INTS2: variants seen among roughly 807,000 people sequenced by gnomAD.
INTS2 encodes the protein KIAA1287.
Under a neutral mutation model 139.6 loss-of-function variants are expected in INTS2, and 57 were observed. The ratio of observed to expected loss-of-function variants is 0.41; its 90% CI spans 0.33 to 0.51. The LOEUF is 0.51. INTS2 is among the 20% of genes least tolerant of loss of function. The pLI is 0.28. For missense variants in INTS2, 1,196 were observed against 1,436.7 expected, an observed-to-expected ratio of 0.83 and a Z score of 2.71; for synonymous variants, 473 against 493.4, an observed-to-expected ratio of 0.96 and a Z score of 0.55.
At chr17:61,879,327 C>G (rs2079157192) in intron 17 of INTS2, among the ~76,000 whole-genome samples, 1 of 151,902 alleles carries the variant, frequency 6.6e-6, no homozygotes, top group South Asian at 2.1e-4. Context: ...TCCAGGTGGT[C>G]CCCTTATAGG....
chr17:61,927,632 C>G (rs910722831), intron 1 of INTS2, 22 bp downstream of exon 1: 2 of 1,337,772 alleles, frequency 1.5e-6, no homozygotes, highest in South Asian at 1.6e-5. Flanking sequence ...GCGCTGAGGC[C>G]AGAGAAGCGG....
chr17:61,869,290 G>A lies in INTS2; in HGVS notation c.3121C>T (p.Pro1041Ser). Residue 1041 changes from proline (P) to serine (S), a missense_variant, in exon 22 of 25, where the codon CCA becomes TCA. This residue lies in a region of INTS2 where 1,129 missense variants were observed against 1,341.9 expected (regional missense o/e 0.84). Coordinates refer to ENST00000251334, the MANE Select transcript of INTS2 (RefSeq NM_001351695.2). The surrounding 1 kb of genome is among the most constrained non-coding windows in gnomAD (Gnocchi z 5.4). ...CTCATTACCTGTTTCTCAAGTTCTGGCTGTGCAATAAGCTCAGGTATGAAA... is the reference window on the plus strand; with the variant it reads ...CTCATTACCTGTTTCTCAAGTTCTGACTGTGCAATAAGCTCAGGTATGAAA... ...LDFIPELIAQ[P>S]ELEKQIFAIQ... 2 of 1,604,144 alleles carry A rather than the reference G, an allele frequency of 1.2e-6. No individual in the cohort carries two copies. Among genetic ancestry groups the A allele is most frequent in the East Asian group, 2.2e-5 (1 of 44,606 alleles).
At chr17:61,891,205 G>A (rs898946594) in intron 14 of INTS2, among the ~76,000 whole-genome samples, 2 of 151,810 alleles carry the variant, frequency 1.3e-5, no homozygotes, top group Non-Finnish European at 2.9e-5. Flanking sequence ...TGAGGCAGGA[G>A]AATCACTTGA....
intron 15 of INTS2, among the ~76,000 whole-genome samples, chr17:61,888,589 G>GTGTGTA (rs2079255101): frequency 3.3e-5 from 5 of 151,866 alleles, no homozygotes; most frequent in African/African-American, 1.2e-4. Flanking sequence ...GTGTGTGTGT[G>GTGTGTA]TGGAGATGGG....
chr17:61,905,701 T>A (rs1468144529), intron 8 of INTS2, among the ~76,000 whole-genome samples: 3 of 152,072 alleles, frequency 2.0e-5, no homozygotes, highest in Non-Finnish European at 2.9e-5. Context: ...TTTTTTATGT[T>A]TTTTGTTTTT....
intron 5 of INTS2, 131 bp downstream of exon 5, chr17:61,919,269 C>T (rs951602337): frequency 1.7e-6 from 1 of 573,688 alleles, no homozygotes; most frequent in Non-Finnish European, 3.1e-6. Context: ...TTTCTTTATA[C>T]ATACTAACAA....
At position 61,921,736 on chromosome 17, in the gene INTS2, A is replaced by G; in HGVS notation, c.524T>C (p.Ile175Thr). Residue 175 changes from isoleucine to threonine, a missense_variant, in exon 4 of 25, where the codon ATT (isoleucine) becomes ACT (threonine). Physicochemically the swap from Ile to Thr is moderately conservative, Grantham distance 89. Around this residue, in one of 3 missense-constraint regions of INTS2, gnomAD observed 1,129 missense variants for 1,341.9 expected, o/e 0.84. Coordinates refer to ENST00000251334, the MANE Select transcript of INTS2 (RefSeq NM_001351695.2). ...YLEEAADVLC[I>T]LQAELPSLLP... is the part of the protein sequence containing the mutation. Reference sequence around the variant, plus strand: ...ACTCAGTACAGTACCTGCTTGTAAAATACAAAGTACATCTGCAGCTTCCTC... The same window carrying G: ...ACTCAGTACAGTACCTGCTTGTAAAGTACAAAGTACATCTGCAGCTTCCTC... The G allele has an allele frequency of 6.3e-7, 1 of 1,583,326 alleles. No individual in the cohort carries two copies. Among genetic ancestry groups the G allele is most frequent in the Non-Finnish European group, 8.6e-7 (1 of 1,160,634 alleles).
chr17:61,891,838 A>C, intron 13 of INTS2, 149 bp from the exon 14 acceptor site: 1 of 584,684 alleles, frequency 1.7e-6, no homozygotes. Flanking sequence ...ATCTAGTATC[A>C]TAACTGCCTT....
At chr17:61,920,931 T>C (rs2079635030) in intron 4 of INTS2, among the ~76,000 whole-genome samples, 1 of 152,124 alleles carries the variant, frequency 6.6e-6, no homozygotes, top group Non-Finnish European at 1.5e-5. Context: ...ACTACAGGTA[T>C]ACACCACCAC....
intron 3 of INTS2, 92 bp from the exon 4 acceptor site, chr17:61,921,919 G>C: frequency 3.0e-6 from 2 of 660,150 alleles, no homozygotes; most frequent in Non-Finnish European, 5.1e-6. Context: ...CACAGATTAT[G>C]TCTCTTAATG....
Position 61,927,659 on chromosome 17 carries a change from G to A in INTS2, c.-24C>T. ...GAGAAGCGGACGCTTCATACCTTAAGATCTACCCTCCAGCCTCACGGAACC... is the reference window on the plus strand; with the variant it reads ...GAGAAGCGGACGCTTCATACCTTAAAATCTACCCTCCAGCCTCACGGAACC... On this transcript the variant is annotated 5_prime_UTR_variant, in exon 1 of 25. Coordinates refer to ENST00000251334, the MANE Select transcript of INTS2 (RefSeq NM_001351695.2). 1 of 1,402,224 alleles carries A rather than the reference G, an allele frequency of 7.1e-7. No individual in the cohort carries two copies. Among genetic ancestry groups the A allele is most frequent in the Non-Finnish European group, 9.3e-7 (1 of 1,080,070 alleles). The allele number at this position is 1,402,224 out of a possible 1,614,324, so 86.9% of individuals were successfully genotyped here. A position where few individuals can be genotyped will look rare whatever the true frequency, so the allele number is the denominator to read the frequency against.
chr17:61,918,303 C>T (rs1184530299), intron 5 of INTS2, among the ~76,000 whole-genome samples: 1 of 152,030 alleles, frequency 6.6e-6, no homozygotes. Flanking sequence ...AGTGCAGTGG[C>T]ACATATCGGC....
intron 12 of INTS2, 105 bp from the exon 13 acceptor site, chr17:61,894,004 C>A: frequency 1.0e-5 from 6 of 594,462 alleles, no homozygotes; most frequent in South Asian, 4.3e-5. Flanking sequence ...AAGTGTGGTC[C>A]CTAGAAATGA....
At chr17:61,904,656 T>C in intron 8 of INTS2, 71 bp from the exon 9 acceptor site, 1 of 1,301,620 alleles carries the variant, frequency 7.7e-7, no homozygotes, top group South Asian at 1.5e-5. Flanking sequence ...ATTTTTAACC[T>C]TTTAGTTACA....
chr17:61,885,660 A>T (rs1354577883), intron 15 of INTS2, among the ~76,000 whole-genome samples: 1 of 149,972 alleles, frequency 6.7e-6, no homozygotes, highest in South Asian at 2.1e-4. Flanking sequence ...ACTCAGGGGG[A>T]TCTAGCCTGC....
rs2079365108 is a variant in INTS2 at position 61,897,856 on chromosome 17, TC to T, written c.1308-118del. ...ATTTTTCCTGCCCTATTTTCAAGTA[TC>T]AAGTCAAATTAAAGGCTTGCTGAAT... On this transcript the variant is annotated intron_variant, in intron 9 of 24. Coordinates refer to ENST00000251334, the MANE Select transcript of INTS2 (RefSeq NM_001351695.2). This position sits in a 1 kb window ranked among gnomAD's most constrained non-coding sequence, Gnocchi z 4.4. 2.7e-6 allele frequency: 2 copies of T among 732,854 alleles called. No homozygotes were observed. The highest frequency in any genetic ancestry group is 5.2e-5 in the Admixed American group (2 of 38,366). The allele number at this position is 732,854 out of a possible 1,614,324, so 45.4% of individuals were successfully genotyped here.
At position 61,907,488 on chromosome 17, in the gene INTS2, C is replaced by T. The variant is rs755660346; in HGVS notation, c.1101G>A (p.Ser367=). The T allele has an allele frequency of 1.7e-5, 28 of 1,602,738 alleles. No individual in the cohort carries two copies. In the South Asian group the frequency reaches 2.7e-4, roughly 16 times the overall value. ...VDMEPNVSVY[S]GLKEEHVVKA... is the part of the protein sequence containing the mutation. ...TCACAACATGCTCTTCTTTCAGCCC[C>T]GAATACACAGACACATTGGGCTCCA... Residue 367 remains serine (S), a synonymous_variant, in exon 8 of 25, where the codon TCG becomes TCA. Transcript: ENST00000251334.
chr17:61,903,947 A>C (rs957016439), intron 9 of INTS2, among the ~76,000 whole-genome samples: 1 of 152,214 alleles, frequency 6.6e-6, no homozygotes, highest in African/African-American at 2.4e-5. Flanking sequence ...ATTATTACAG[A>C]TGTAGCAGTA....
At chr17:61,914,164 T>G (rs1344952733) in intron 5 of INTS2, among the ~76,000 whole-genome samples, 1 of 151,330 alleles carries the variant, frequency 6.6e-6, no homozygotes, top group Non-Finnish European at 1.5e-5. Context: ...ATGGACAGAT[T>G]AAAGAGATGA....
Sources: allele counts gnomAD v4.1 joint callset (sites outside exome capture counted in the v4.1 genomes callset), GRCh38; gene constraint gnomAD v4.1.1; regional missense constraint gnomAD v4.1.1; non-coding constraint Gnocchi (gnomAD v3.1); transcripts MANE v1.5; gene names NCBI Gene and HGNC (gene_info 2026-07-23, HGNC 2026-07-21).